Variants in LDB2 observed in about 807,000 individuals in gnomAD.
LDB2 encodes LIM domain-binding protein 2.
LDB2 carries 12 observed loss-of-function variants against 44.3 expected under a neutral mutation model. The ratio of observed to expected loss-of-function variants is 0.27; its 90% CI spans 0.17 to 0.44. LDB2 has a LOEUF of 0.44. Among genes scored for constraint, LDB2 ranks in the 20% least tolerant of loss-of-function variants. The pLI is 1.00. For synonymous variants in LDB2, 164 were observed against 174.8 expected (o/e 0.94, Z 0.49); for missense variants, 344 against 473.5 (o/e 0.73, Z 2.54).
intron 2 of LDB2, among the ~76,000 whole-genome samples, chr4:16,662,060 A>G (rs993277938): frequency 5.9e-5 from 9 of 152,210 alleles, no homozygotes; most frequent in African/African-American, 2.2e-4. Context: ...GGTGAAGGAA[A>G]AGAGGGCAAC....
At chr4:16,834,540 G>A (rs2110070147) in intron 1 of LDB2, among the ~76,000 whole-genome samples, 1 of 152,014 alleles carries the variant, frequency 6.6e-6, no homozygotes, top group African/African-American at 2.4e-5. Flanking sequence ...TAGAAGGTAG[G>A]AGTCAAGGCC....
intron 2 of LDB2, among the ~76,000 whole-genome samples, chr4:16,685,960 G>A (rs1215017300): frequency 1.4e-4 from 21 of 152,152 alleles, no homozygotes. Flanking sequence ...GCTGAGGCAA[G>A]AGAATCACTT....
Position 16,898,360 on chromosome 4 carries a change from G to A in LDB2, c.126C>T (p.Arg42=). The A allele has an allele frequency of 1.2e-6, 2 of 1,613,340 alleles. No individual in the cohort carries two copies. The highest frequency in any genetic ancestry group is 4.5e-5 in the East Asian group (2 of 44,798). ...CCAAGGTTGAAGTACTTACCTCTGT[G>A]CGAGACTGCAGTCTCTTGTTCATCT... ...IYEMNKRLQS[R]TEDSDNLWWD... is the part of the protein sequence containing the mutation. The change falls in exon 1 of 8, where the codon CGC becomes CGT. Residue 42 remains arginine, a synonymous_variant. Coordinates refer to ENST00000304523, the MANE Select transcript of LDB2 (RefSeq NM_001290.5).
chr4:16,674,932 T>C (rs998887907), intron 2 of LDB2, among the ~76,000 whole-genome samples: 1 of 130,442 alleles, frequency 7.7e-6, no homozygotes, highest in Non-Finnish European at 1.7e-5. Context: ...CTTTATTATC[T>C]AGGAACCTGA....
chr4:16,628,124 G>A (rs1482796323), intron 2 of LDB2, among the ~76,000 whole-genome samples: 1 of 152,236 alleles, frequency 6.6e-6, no homozygotes, highest in Non-Finnish European at 1.5e-5. Context: ...CGGTTTGGGT[G>A]CAGTGAAACT....
chr4:16,553,493 T>A (rs962152975), intron 5 of LDB2, among the ~76,000 whole-genome samples: 7 of 152,208 alleles, frequency 4.6e-5, no homozygotes, highest in Admixed American at 1.3e-4. Context: ...GTCTCCATTT[T>A]ACAGGTGAGA....
chr4:16,725,459 C>T (rs1759236555), intron 2 of LDB2, among the ~76,000 whole-genome samples: 1 of 152,104 alleles, frequency 6.6e-6, no homozygotes, highest in African/African-American at 2.4e-5. Context: ...ATCAGACTTG[C>T]AGGAAGCCGG....
intron 5 of LDB2, among the ~76,000 whole-genome samples, chr4:16,558,372 G>A (rs1284082825): frequency 6.6e-6 from 1 of 152,206 alleles, no homozygotes. Context: ...TAAAGGAGCT[G>A]ATGGAGCCAA....
At chr4:16,563,948 G>C (rs1262449689) in intron 5 of LDB2, among the ~76,000 whole-genome samples, 1 of 152,060 alleles carries the variant, frequency 6.6e-6, no homozygotes, top group Non-Finnish European at 1.5e-5. Flanking sequence ...ATTCTCAATG[G>C]GTAGTAAAAT....
At chr4:16,704,964 TTAA>T (rs1253442782) in intron 2 of LDB2, among the ~76,000 whole-genome samples, 20 of 152,310 alleles carry the variant, frequency 1.3e-4, no homozygotes, top group African/African-American at 4.1e-4. Context: ...TAAGAAGTTA[TTAA>T]TTTTTTTGAT....
At chr4:16,568,469 A>C (rs1745317546) in intron 5 of LDB2, among the ~76,000 whole-genome samples, 1 of 152,196 alleles carries the variant, frequency 6.6e-6, no homozygotes, top group Non-Finnish European at 1.5e-5. Flanking sequence ...AAAGCATTTC[A>C]ATATAAGTGG....
chr4:16,818,074 G>A (rs1781272137), intron 1 of LDB2, among the ~76,000 whole-genome samples: 1 of 152,096 alleles, frequency 6.6e-6, no homozygotes. Flanking sequence ...ATGGGAGGAG[G>A]GTGGCTGGGC....
intron 3 of LDB2, among the ~76,000 whole-genome samples, chr4:16,589,363 C>T (rs1245348916): frequency 6.6e-6 from 1 of 152,158 alleles, no homozygotes; most frequent in African/African-American, 2.4e-5. Flanking sequence ...TTATCAGTTA[C>T]TGACATGTAG....
At chr4:16,748,592 A>G (rs563318505) in intron 2 of LDB2, among the ~76,000 whole-genome samples, 2 of 152,290 alleles carry the variant, frequency 1.3e-5, no homozygotes, top group African/African-American at 4.8e-5. Flanking sequence ...CATCTACATA[A>G]ATAAGGTGTG....
At chr4:16,552,824 GA>G (rs1372519367) in intron 5 of LDB2, among the ~76,000 whole-genome samples, 1 of 152,106 alleles carries the variant, frequency 6.6e-6, no homozygotes, top group African/African-American at 2.4e-5. Context: ...AAGCTAAAGT[GA>G]AAAAAATGAA....
intron 1 of LDB2, among the ~76,000 whole-genome samples, chr4:16,784,976 A>T (rs937833265): frequency 2.0e-5 from 3 of 150,724 alleles, no homozygotes; most frequent in African/African-American, 7.3e-5. Context: ...GATTATTACA[A>T]TGAGTGGGTG....
At chr4:16,727,694 C>G (rs283015) in intron 2 of LDB2, among the ~76,000 whole-genome samples, 40,494 of 152,050 alleles carry the variant, frequency 0.27, 5,739 homozygotes, top group Non-Finnish European at 0.33. Flanking sequence ...TTATATCTCC[C>G]GAAAGCTAAT....
At chr4:16,733,513 A>G (rs1267780325) in intron 2 of LDB2, among the ~76,000 whole-genome samples, 1 of 152,178 alleles carries the variant, frequency 6.6e-6, no homozygotes, top group Non-Finnish European at 1.5e-5. Context: ...CTGCTGACAT[A>G]GCAGGCAAGG....
chr4:16,765,770 A>G (rs187116564), intron 1 of LDB2, among the ~76,000 whole-genome samples: 56 of 152,362 alleles, frequency 3.7e-4, no homozygotes, highest in African/African-American at 1.2e-3. Flanking sequence ...TCTCTCTGTC[A>G]CATCACTGTT....
Sources: allele counts gnomAD v4.1 joint callset (sites outside exome capture counted in the v4.1 genomes callset), GRCh38; gene constraint gnomAD v4.1.1; transcripts MANE v1.5; gene names NCBI Gene and HGNC (gene_info 2026-07-23, HGNC 2026-07-21).